IGDCC4: variants seen among roughly 807,000 people sequenced by gnomAD.
IGDCC4 encodes immunoglobulin superfamily DCC subclass member 4.
IGDCC4 carries 72 observed loss-of-function variants against 116.6 expected under a neutral mutation model. The ratio of observed to expected loss-of-function variants is 0.62; its 90% CI spans 0.51 to 0.75. The LOEUF (loss-of-function observed/expected upper bound fraction) is 0.75, where lower values mean the gene tolerates loss of function less well. Ranked by LOEUF, IGDCC4 falls within the 30% of genes least tolerant of loss-of-function variation. IGDCC4 has a pLI of 0.00. For synonymous variants in IGDCC4, 709 were observed against 719.9 expected (o/e 0.98, Z 0.24); for missense variants, 1,501 against 1,662.4 (o/e 0.90, Z 1.69).
At chr15:65,385,517 C>A (rs1595774276) in intron 18 of IGDCC4, 1 of 544,474 alleles carries the variant, frequency 1.8e-6, no homozygotes, top group East Asian at 3.3e-5. Flanking sequence ...CTTCTCCCCA[C>A]ACGGGGATGT....
Position 65,383,955 on chromosome 15 carries a change from C to T in IGDCC4, c.*54G>A, listed in dbSNP as rs1357507073. 11 of 1,453,374 alleles carry T rather than the reference C, an allele frequency of 7.6e-6. No individual in the cohort carries two copies. The highest frequency in any genetic ancestry group is 4.2e-5 in the African/African-American group (3 of 71,158). 90.0% of individuals were successfully genotyped at this position (1,453,374 alleles called of 1,614,324 possible). A position where few individuals can be genotyped will look rare whatever the true frequency, so the allele number is the denominator to read the frequency against. On this transcript the variant is annotated 3_prime_UTR_variant, in exon 20 of 20. Coordinates refer to ENST00000352385, the MANE Select transcript of IGDCC4 (RefSeq NM_020962.3). ...TGTGGACATACACGGCCACAGGTAT[C>T]GCATCCTATGTGATCCATACCTGCC...
chr15:65,389,969 T>C (rs1203021380), intron 13 of IGDCC4, among the ~76,000 whole-genome samples, 186 bp downstream of exon 13: 1 of 152,142 alleles, frequency 6.6e-6, no homozygotes, highest in East Asian at 1.9e-4. Flanking sequence ...CTTGCTACCA[T>C]CTGGTCAGCA....
chr15:65,386,096 G>A (rs952407207), intron 17 of IGDCC4, 37 bp from the exon 18 acceptor site: 1 of 1,319,666 alleles, frequency 7.6e-7, no homozygotes, highest in Non-Finnish European at 1.0e-6. Context: ...ATAGCGGTCA[G>A]AGTAAGGGGT....
At chr15:65,402,663 T>A (rs1484195197) in intron 3 of IGDCC4, among the ~76,000 whole-genome samples, 176 bp from the exon 4 acceptor site, 2 of 151,724 alleles carry the variant, frequency 1.3e-5, no homozygotes, top group African/African-American at 4.8e-5. Context: ...AGGTCGGGAG[T>A]TCGAGACCAG....
intron 1 of IGDCC4, among the ~76,000 whole-genome samples, chr15:65,418,519 C>T (rs749646719): frequency 6.6e-6 from 1 of 152,132 alleles, no homozygotes; most frequent in African/African-American, 2.4e-5. Flanking sequence ...CCCCATGGGC[C>T]CCCAAATCCA....
In IGDCC4 at chr15:65,393,360, C is replaced by T; in HGVS notation, c.1885+1G>A. 6.2e-7 allele frequency: 1 copy of T among 1,608,774 alleles called. No individual in the cohort carries two copies. Among genetic ancestry groups the T allele is most frequent in the Non-Finnish European group, 8.5e-7 (1 of 1,177,086 alleles). ...GTCCTGTCTCTCCTCTAACCCCGTA[C>T]CATGGCTCTGGTTGTGCATACTGGG... On this transcript the variant is annotated splice_donor_variant, in intron 10 of 19. Coordinates refer to ENST00000352385, the MANE Select transcript of IGDCC4 (RefSeq NM_020962.3). LOFTEE classifies it high-confidence loss of function. The surrounding 1 kb of genome is among the most constrained non-coding windows in gnomAD (Gnocchi z 4.6).
At position 65,393,509 on chromosome 15, in the gene IGDCC4, C is replaced by T. The variant is rs768161362; in HGVS notation, c.1737G>A (p.Val579=). 8 of 1,604,688 alleles carry T rather than the reference C, an allele frequency of 5.0e-6. No individual in the cohort carries two copies. Among genetic ancestry groups the T allele is most frequent in the Non-Finnish European group, 2.6e-6 (3 of 1,174,702 alleles). ...GKEDQIFSTE[V]RGNETQLMLN... ...GCATAAGCTGTGTCTCATTTCCTCGCACCTCAGTAGAGAAAATCTGATCTG... is the reference window on the plus strand; with the variant it reads ...GCATAAGCTGTGTCTCATTTCCTCGTACCTCAGTAGAGAAAATCTGATCTG... The change falls in exon 10 of 20, where the codon GTG becomes GTA. Residue 579 remains valine, a synonymous_variant. Coordinates refer to ENST00000352385, the MANE Select transcript of IGDCC4 (RefSeq NM_020962.3). The surrounding 1 kb of genome is among the most constrained non-coding windows in gnomAD (Gnocchi z 4.6).
chr15:65,422,876 GGCCGCC>G lies in IGDCC4; in HGVS notation c.-20_-15del. 4 of 1,104,026 alleles carry G rather than the reference GGCCGCC, an allele frequency of 3.6e-6. No homozygotes were observed. The highest frequency in any genetic ancestry group is 3.3e-6 in the Non-Finnish European group (3 of 904,902). The allele number at this position is 1,104,026 out of a possible 1,614,324, so 68.4% of individuals were successfully genotyped here. On this transcript the variant is annotated 5_prime_UTR_variant, in exon 1 of 20. Transcript: ENST00000352385. ...CCCCCGCGCCATGGGGCTGGGCTCGGGCCGCCGCCGCCGCCGCCGCCTCCCCGTGCT... is the reference window on the plus strand; with the variant it reads ...CCCCCGCGCCATGGGGCTGGGCTCGGGCCGCCGCCGCCGCCTCCCCGTGCT...
intron 5 of IGDCC4, 151 bp from the exon 6 acceptor site, chr15:65,397,140 G>A: frequency 2.0e-6 from 2 of 985,288 alleles, no homozygotes; most frequent in Admixed American, 2.6e-5. Context: ...GGGACTCTCT[G>A]AGCCCGGCTG....
intron 1 of IGDCC4, among the ~76,000 whole-genome samples, chr15:65,421,464 G>C (rs1166835658): frequency 6.6e-6 from 1 of 152,220 alleles, no homozygotes; most frequent in African/African-American, 2.4e-5. Context: ...GCGGCCTCCA[G>C]CTTAATCCGC....
Position 65,381,804 on chromosome 15 carries a change from C to T in IGDCC4, c.*2205G>A. 1 of 152,630 alleles carries T rather than the reference C, an allele frequency of 6.6e-6. No individual in the cohort carries two copies. Among genetic ancestry groups the T allele is most frequent in the East Asian group, 1.9e-4 (1 of 5,204 alleles). 9.5% of individuals were successfully genotyped at this position (152,630 alleles called of 1,614,324 possible). A position where few individuals can be genotyped will look rare whatever the true frequency, so the allele number is the denominator to read the frequency against. ...TACTGCTACAAAGACACAAACCTAA[C>T]ACTTCCAAATTACCCAGAGCCCAAA... On this transcript the variant is annotated 3_prime_UTR_variant, in exon 20 of 20. Transcript: ENST00000352385.
At chr15:65,392,691 G>T (rs867995986) in intron 10 of IGDCC4, among the ~76,000 whole-genome samples, 1 of 152,156 alleles carries the variant, frequency 6.6e-6, no homozygotes, top group South Asian at 2.1e-4. Flanking sequence ...CACAGAATCG[G>T]CCTCTGTGAA....
At chr15:65,389,787 C>T in intron 13 of IGDCC4, among the ~76,000 whole-genome samples, 1 of 152,230 alleles carries the variant, frequency 6.6e-6, no homozygotes, top group East Asian at 1.9e-4. Flanking sequence ...TCCTCAGGCT[C>T]TGTCTCCCCA....
At position 65,393,720 on chromosome 15, in the gene IGDCC4, C is replaced by T. The variant is rs1190247076; in HGVS notation, c.1715-189G>A. On this transcript the variant is annotated intron_variant, in intron 9 of 19. Coordinates refer to ENST00000352385, the MANE Select transcript of IGDCC4 (RefSeq NM_020962.3). The surrounding 1 kb of genome is among the most constrained non-coding windows in gnomAD (Gnocchi z 4.6). ...CCAGGGTTGACGCTTGAGCCTCCAA[C>T]TCTGGCTGATGCAGGCCATCAGCCT... 6.6e-6 allele frequency among the ~76,000 whole-genome samples: 1 copy of T among 152,238 alleles called. No individual in the cohort carries two copies. Among genetic ancestry groups the T allele is most frequent in the African/African-American group, 2.4e-5 (1 of 41,462 alleles).
chr15:65,404,159 C>G (rs991991429), intron 3 of IGDCC4, among the ~76,000 whole-genome samples: 1 of 152,054 alleles, frequency 6.6e-6, no homozygotes. Context: ...GAAGAATGTT[C>G]TAAACAGGGG....
intron 1 of IGDCC4, among the ~76,000 whole-genome samples, chr15:65,415,385 C>T (rs1275802443): frequency 6.6e-6 from 1 of 152,176 alleles, no homozygotes; most frequent in Non-Finnish European, 1.5e-5. Context: ...GAGGGGCTGG[C>T]GGCTGGCTGG....
At chr15:65,397,309 A>G (rs1430480536) in intron 5 of IGDCC4, among the ~76,000 whole-genome samples, 7 of 152,178 alleles carry the variant, frequency 4.6e-5, no homozygotes, top group Admixed American at 4.6e-4. Flanking sequence ...CAAGAAGGAC[A>G]TGCTCCTTCC....
At chr15:65,417,812 T>C (rs193147536) in intron 1 of IGDCC4, among the ~76,000 whole-genome samples, 30 of 152,288 alleles carry the variant, frequency 2.0e-4, no homozygotes, top group Admixed American at 1.8e-3. Context: ...GTCAGGGTGG[T>C]CTCGAACTCC....
In IGDCC4 at chr15:65,393,134, A is replaced by G. The variant is rs1163505656; in HGVS notation, c.1885+227T>C. Among the ~76,000 whole-genome samples, 1 of 152,156 alleles carries G rather than the reference A, an allele frequency of 6.6e-6. No homozygotes were observed. The highest frequency in any genetic ancestry group is 1.5e-5 in the Non-Finnish European group (1 of 68,026). On this transcript the variant is annotated intron_variant, in intron 10 of 19. Coordinates refer to ENST00000352385, the MANE Select transcript of IGDCC4 (RefSeq NM_020962.3). This position sits in a 1 kb window ranked among gnomAD's most constrained non-coding sequence, Gnocchi z 4.6. ...AACCTCATGCCATTCCTGGGCAGTA[A>G]ATGAAGCCTCAGAATGGTTTGTCCA...
Sources: allele counts gnomAD v4.1 joint callset (sites outside exome capture counted in the v4.1 genomes callset), GRCh38; gene constraint gnomAD v4.1.1; non-coding constraint Gnocchi (gnomAD v3.1); transcripts MANE v1.5; gene names NCBI Gene and HGNC (gene_info 2026-07-23, HGNC 2026-07-21).